Variants in PXDNL observed in about 807,000 individuals in gnomAD.
PXDNL encodes the protein probable oxidoreductase PXDNL.
A neutral mutation model predicts 150.8 loss-of-function variants in PXDNL; 145 were observed. The ratio of observed to expected loss-of-function variants is 0.96; its 90% confidence interval spans 0.84 to 1.10. The LOEUF is 1.10. Ranked by LOEUF, PXDNL falls within the 50% of genes least tolerant of loss-of-function variation. The pLI, the probability that PXDNL is intolerant of heterozygous loss-of-function variation, is 0.00. For missense variants in PXDNL, 2,087 were observed against 1,873.9 expected (o/e 1.11, Z -2.10); for synonymous variants, 757 against 725.7 (o/e 1.04, Z -0.69).
At chr8:51,457,778 G>T in intron 8 of PXDNL, 111 bp from the exon 9 acceptor site, 1 of 682,566 alleles carries the variant, frequency 1.5e-6, no homozygotes, top group Non-Finnish European at 2.3e-6. Context: ...TACCAAATTT[G>T]TTAAATTTAT....
At chr8:51,719,142 G>A (rs965606668) in intron 1 of PXDNL, among the ~76,000 whole-genome samples, 19 of 152,298 alleles carry the variant, frequency 1.2e-4, no homozygotes, top group Middle Eastern at 3.4e-3. Context: ...GCCGCCACCC[G>A]GTCTGGAAGG....
At chr8:51,326,664 C>T (rs1206962802) in intron 21 of PXDNL, among the ~76,000 whole-genome samples, 2 of 152,084 alleles carry the variant, frequency 1.3e-5, no homozygotes, top group East Asian at 3.9e-4. Context: ...AAAGTGTAGC[C>T]TTCTCAGCCT....
At chr8:51,786,632 G>A (rs4873604) in intron 1 of PXDNL, among the ~76,000 whole-genome samples, 104,243 of 151,664 alleles carry the variant, frequency 0.69, 42,293 homozygotes, top group Non-Finnish European at 0.9. Flanking sequence ...TGAAGCTAGC[G>A]GAGGCTGTTC....
chr8:51,704,857 T>G (rs568980220), intron 1 of PXDNL, among the ~76,000 whole-genome samples: 1 of 152,194 alleles, frequency 6.6e-6, no homozygotes, highest in African/African-American at 2.4e-5. Context: ...ACTGTGTATA[T>G]TCTAGATCTT....
chr8:51,568,873 C>G (rs924053626), intron 3 of PXDNL, among the ~76,000 whole-genome samples: 4 of 151,796 alleles, frequency 2.6e-5, no homozygotes, highest in African/African-American at 7.3e-5. Context: ...TCAGCCATAT[C>G]CAGTCGACTG....
intron 17 of PXDNL, among the ~76,000 whole-genome samples, chr8:51,375,869 T>C (rs1260796659): frequency 6.6e-6 from 1 of 152,218 alleles, no homozygotes; most frequent in East Asian, 1.9e-4. Flanking sequence ...ACTCCTGTTT[T>C]GCATAAAAGC....
chr8:51,618,842 C>T (rs1004166458), intron 2 of PXDNL, among the ~76,000 whole-genome samples: 1 of 152,170 alleles, frequency 6.6e-6, no homozygotes, highest in African/African-American at 2.4e-5. Flanking sequence ...CAGTCTGGAT[C>T]TTCATGAGCA....
intron 4 of PXDNL, among the ~76,000 whole-genome samples, chr8:51,534,988 G>A (rs1171087071): frequency 8.6e-6 from 1 of 116,432 alleles, no homozygotes; most frequent in East Asian, 3.0e-4. Flanking sequence ...CCCCCCGCCC[G>A]GCCAGCCGCC....
At chr8:51,604,655 T>C (rs180717561) in intron 2 of PXDNL, among the ~76,000 whole-genome samples, 23 of 152,052 alleles carry the variant, frequency 1.5e-4, no homozygotes, top group Middle Eastern at 3.4e-3. Flanking sequence ...ATAATAATAA[T>C]AAAAAAAATA....
chr8:51,366,416 C>A (rs1474665653), intron 19 of PXDNL, among the ~76,000 whole-genome samples: 1 of 152,182 alleles, frequency 6.6e-6, no homozygotes, highest in Non-Finnish European at 1.5e-5. Context: ...TCTTCCACCA[C>A]GTGGCTGTGC....
At chr8:51,322,340 T>A (rs1028377804) in intron 21 of PXDNL, among the ~76,000 whole-genome samples, 3 of 149,412 alleles carry the variant, frequency 2.0e-5, no homozygotes, top group Admixed American at 6.6e-5. Flanking sequence ...AAAAAAAAAA[T>A]ATGTGTTAAA....
intron 3 of PXDNL, among the ~76,000 whole-genome samples, chr8:51,574,102 G>A (rs550891459): frequency 6.6e-6 from 1 of 151,912 alleles, no homozygotes; most frequent in Non-Finnish European, 1.5e-5. Flanking sequence ...TGACAGAGAC[G>A]TTAGGATTAT....
intron 21 of PXDNL, among the ~76,000 whole-genome samples, chr8:51,336,888 T>C (rs1389666712): frequency 6.6e-6 from 1 of 152,164 alleles, no homozygotes; most frequent in Non-Finnish European, 1.5e-5. Context: ...CAGGACCTTC[T>C]AATTCTCTCA....
intron 1 of PXDNL, among the ~76,000 whole-genome samples, chr8:51,673,513 G>C (rs971932372): frequency 1.3e-5 from 2 of 152,282 alleles, no homozygotes; most frequent in East Asian, 1.9e-4. Flanking sequence ...AAGCTGTAGA[G>C]AGACAGATTT....
chr8:51,456,921 G>C (rs1809949695), intron 9 of PXDNL, among the ~76,000 whole-genome samples: 1 of 152,108 alleles, frequency 6.6e-6, no homozygotes, highest in East Asian at 1.9e-4. Flanking sequence ...CTTATTTCTT[G>C]AATTATGGCT....
intron 1 of PXDNL, among the ~76,000 whole-genome samples, chr8:51,708,059 C>T (rs1416152190): frequency 2.0e-5 from 3 of 152,176 alleles, no homozygotes; most frequent in Non-Finnish European, 4.4e-5. Flanking sequence ...GATATTTACT[C>T]ATGCACTGAT....
chr8:51,498,082 C>T (rs868549009), intron 5 of PXDNL, among the ~76,000 whole-genome samples: 11 of 151,972 alleles, frequency 7.2e-5, no homozygotes, highest in African/African-American at 2.7e-4. Flanking sequence ...ACATATACAC[C>T]ATGGAATACT....
At chr8:51,638,814 T>C (rs1814669633) in intron 2 of PXDNL, among the ~76,000 whole-genome samples, 1 of 152,182 alleles carries the variant, frequency 6.6e-6, no homozygotes. Flanking sequence ...TTAAAAAGGA[T>C]ATCCAGGAAT....
chr8:51,750,679 G>A (rs1204469337), intron 1 of PXDNL, among the ~76,000 whole-genome samples: 2 of 152,140 alleles, frequency 1.3e-5, no homozygotes, highest in Non-Finnish European at 2.9e-5. Context: ...GGAGATGATG[G>A]TCTCTTATTT....
Sources: gnomAD v4.1 joint callset for allele counts (sites outside exome capture counted in the v4.1 genomes callset) on GRCh38, gnomAD v4.1.1 for gene constraint, MANE v1.5 for transcripts, NCBI Gene and HGNC (gene_info 2026-07-23, HGNC 2026-07-21) for gene names.